NOSTRIN: variants seen among roughly 807,000 people sequenced by gnomAD.
NOSTRIN encodes the protein nitric oxide synthase trafficking, also known as BM247 homolog.
A neutral mutation model predicts 59.0 loss-of-function variants in NOSTRIN; 63 were observed. That is an observed-to-expected ratio of 1.07 (90% CI 0.87 to 1.32). The LOEUF is 1.32. NOSTRIN is among the 40% of genes most tolerant of loss of function. The pLI is 0.00. For missense variants in NOSTRIN, 512 were observed against 473.1 expected, an observed-to-expected ratio of 1.08 and a Z score of -0.76; for synonymous variants, 200 against 165.4, an observed-to-expected ratio of 1.21 and a Z score of -1.61.
intron 10 of NOSTRIN, among the ~76,000 whole-genome samples, chr2:168,851,962 G>A (rs1458913746): frequency 6.6e-6 from 1 of 152,152 alleles, no homozygotes; most frequent in African/African-American, 2.4e-5. Flanking sequence ...AGGGCTGTTG[G>A]CAGGCCTCCA....
upstream of NOSTRIN, among the ~76,000 whole-genome samples, chr2:168,798,813 CGATA>C (rs57650807): frequency 1.3e-5 from 2 of 149,230 alleles, no homozygotes; most frequent in Admixed American, 6.7e-5. Context: ...ATCGATCGAT[CGATA>C]GATAGATAGA....
chr2:168,789,794 C>T (rs557321428), intron 2 of NOSTRIN, among the ~76,000 whole-genome samples: 1 of 152,328 alleles, frequency 6.6e-6, no homozygotes, highest in African/African-American at 2.4e-5. Flanking sequence ...CTGGTACAAA[C>T]TGAAAGTCAG....
chr2:168,827,918 A>T (rs568329177), intron 3 of NOSTRIN, among the ~76,000 whole-genome samples: 1 of 152,200 alleles, frequency 6.6e-6, no homozygotes, highest in Admixed American at 6.5e-5. Context: ...ACAGATATGA[A>T]ATAGGAAATG....
At position 168,865,096 on chromosome 2, in the gene NOSTRIN, T is replaced by A. The variant is rs1470138406; in HGVS notation, c.*126T>A. On this transcript the variant is annotated 3_prime_UTR_variant, in exon 16 of 16. Transcript: ENST00000317647. ...AAATGGATGGAGTTCTACCTGCATGTCACAGCACTTTGCATTCATGATTAT... is the reference window on the plus strand; with the variant it reads ...AAATGGATGGAGTTCTACCTGCATGACACAGCACTTTGCATTCATGATTAT... 3.1e-6 allele frequency: 3 copies of A among 966,956 alleles called. No homozygotes were observed. In the East Asian group the frequency reaches 7.6e-5, roughly 24 times the overall value. The allele number at this position is 966,956 out of a possible 1,614,324, so 59.9% of individuals were successfully genotyped here.
intron 2 of NOSTRIN, among the ~76,000 whole-genome samples, chr2:168,789,991 G>A (rs963208266): frequency 6.6e-6 from 1 of 152,152 alleles, no homozygotes; most frequent in Non-Finnish European, 1.5e-5. Flanking sequence ...TTTTAGTCAG[G>A]CCACAGTGAG....
rs562302997 is a variant in NOSTRIN at position 168,850,638 on chromosome 2, C to T, written c.631-446C>T. 3.4e-5 allele frequency among the ~76,000 whole-genome samples: 5 copies of T among 146,580 alleles called. No individual in the cohort carries two copies. In the South Asian group the frequency reaches 6.5e-4, roughly 19 times the overall value. ...TTTGTAAAAACAAGGCCTGGCTAGG[C>T]GCGGTGGCTCATGCCTGTAATCCTA... On this transcript the variant is annotated intron_variant, in intron 8 of 15. Transcript: ENST00000317647.
chr2:168,838,448 C>A (rs547533139), intron 7 of NOSTRIN, among the ~76,000 whole-genome samples: 1 of 152,324 alleles, frequency 6.6e-6, no homozygotes, highest in Admixed American at 6.5e-5. Flanking sequence ...CCATGTTGGC[C>A]AGGCTGGTCT....
chr2:168,804,573 C>G (rs1174390808), intron 1 of NOSTRIN, among the ~76,000 whole-genome samples: 1 of 152,144 alleles, frequency 6.6e-6, no homozygotes, highest in African/African-American at 2.4e-5. Context: ...CAAATGAGTG[C>G]CTCATGAAAC....
rs185907330 is a variant in NOSTRIN at position 168,839,680 on chromosome 2, G to T, written c.505-3312G>T. Reference sequence around the variant, plus strand: ...TATAATCCCAGCACTTCGGGAGGCTGAGGTGGGCAGATTACCTGAGGTCAG... The same window carrying T: ...TATAATCCCAGCACTTCGGGAGGCTTAGGTGGGCAGATTACCTGAGGTCAG... On this transcript the variant is annotated intron_variant, in intron 7 of 15. Transcript: ENST00000317647. Among the ~76,000 whole-genome samples, 796 of 152,086 alleles carry T rather than the reference G, an allele frequency of 5.2e-3. 7 individuals are homozygous for T. The highest frequency in any genetic ancestry group is 0.024 in the Middle Eastern group (7 of 294).
At chr2:168,816,993 A>G (rs1686441044) in intron 2 of NOSTRIN, among the ~76,000 whole-genome samples, 1 of 152,246 alleles carries the variant, frequency 6.6e-6, no homozygotes, top group Non-Finnish European at 1.5e-5. Context: ...TATTTTGAAG[A>G]AAAGCTAGAA....
intron 7 of NOSTRIN, among the ~76,000 whole-genome samples, 182 bp downstream of exon 7, chr2:168,834,507 G>GCGCGCGCGCGCACACACA (rs756381301): frequency 1.4e-4 from 17 of 125,430 alleles, no homozygotes; most frequent in East Asian, 2.4e-4. Flanking sequence ...GCGCGCGCGC[G>GCGCGCGCGCGCACACACA]CACACACACA....
chr2:168,802,372 G>C (rs1685642265), upstream of NOSTRIN: 1 of 405,184 alleles, frequency 2.5e-6, no homozygotes, highest in Non-Finnish European at 4.6e-6. Flanking sequence ...TCAATGTTAC[G>C]CTGTTCAGGA....
chr2:168,853,872 A>G (rs1362211215), intron 10 of NOSTRIN, among the ~76,000 whole-genome samples: 1 of 152,098 alleles, frequency 6.6e-6, no homozygotes, highest in Non-Finnish European at 1.5e-5. Flanking sequence ...ATATAAAGAA[A>G]TATTTATTTA....
upstream of NOSTRIN, among the ~76,000 whole-genome samples, chr2:168,800,727 AAC>A (rs1287585762): frequency 6.6e-6 from 1 of 152,088 alleles, no homozygotes; most frequent in Non-Finnish European, 1.5e-5. Context: ...ACTGAAATGA[AAC>A]ACAGAACAGC....
Position 168,834,501 on chromosome 2 carries a change from GCGCGCGCACACACACACA to G in NOSTRIN, c.504+178_504+195del, listed in dbSNP as rs1036410473. ...AATCATTACTGGCGTGCGCGCGCGC[GCGCGCGCACACACACACA>G]CACACACACACACACACACACACCA... On this transcript the variant is annotated intron_variant, in intron 7 of 15. Coordinates refer to ENST00000317647, the MANE Select transcript of NOSTRIN (RefSeq NM_001039724.4). Among the ~76,000 whole-genome samples, 37 of 110,748 alleles carry G rather than the reference GCGCGCGCACACACACACA, an allele frequency of 3.3e-4. 2 individuals carry two copies. The East Asian group carries it at 6.3e-3, about 19-fold the overall frequency. 72.7% of individuals were successfully genotyped at this position (110,748 alleles called of 152,430 possible).
In NOSTRIN at chr2:168,859,458, G is replaced by A. The variant is rs1689308133; in HGVS notation, c.1054-54G>A. 15 of 1,603,868 alleles carry A rather than the reference G, an allele frequency of 9.4e-6. 1 individual carries two copies. Among genetic ancestry groups the A allele is most frequent in the South Asian group, 4.5e-5 (4 of 89,398 alleles). ...AAAGTTATTCTGATATTCCTATCCA[G>A]TTGTGCCTCATTTACTAGAAATTTG... On this transcript the variant is annotated intron_variant, in intron 12 of 15. Transcript: ENST00000317647.
Position 168,843,137 on chromosome 2 carries a change from T to C in NOSTRIN, c.630+20T>C, listed in dbSNP as rs191215265. 1 of 857,724 alleles carries C rather than the reference T, an allele frequency of 1.2e-6. No homozygotes were observed. The highest frequency in any genetic ancestry group is 2.0e-6 in the Non-Finnish European group (1 of 494,900). The allele number at this position is 857,724 out of a possible 1,614,324, so 53.1% of individuals were successfully genotyped here. A position where few individuals can be genotyped will look rare whatever the true frequency, so the allele number is the denominator to read the frequency against. ...TACCAGGTAAGTTATATATTCACAT[T>C]TTTTTCTTCTTCTGTGGAGCTTTGT... is the stretch of plus-strand genomic sequence containing the variant. On this transcript the variant is annotated intron_variant, in intron 8 of 15. Transcript: ENST00000317647.
At chr2:168,812,454 C>G (rs1686193452) in intron 2 of NOSTRIN, among the ~76,000 whole-genome samples, 1 of 152,056 alleles carries the variant, frequency 6.6e-6, no homozygotes, top group Admixed American at 6.6e-5. Context: ...TTTTCAAGTT[C>G]TTAGTTGAGA....
rs773556647 is a variant in NOSTRIN at position 168,802,710 on chromosome 2, A to AGGAGGGT, written c.27+48_27+54dup. Reference sequence around the variant, plus strand: ...AGTGTGGTTTGTGTGCCTGCGTGTGAGGAGGGTGGAGGGTGGATTTGTATA... The same window carrying AGGAGGGT: ...AGTGTGGTTTGTGTGCCTGCGTGTGAGGAGGGTGGAGGGTGGAGGGTGGATTTGTATA... On this transcript the variant is annotated intron_variant, in intron 1 of 15. Coordinates refer to ENST00000317647, the MANE Select transcript of NOSTRIN (RefSeq NM_001039724.4). 4.6e-6 allele frequency: 4 copies of AGGAGGGT among 864,070 alleles called. No homozygotes were observed. In the South Asian group the frequency reaches 5.4e-5, roughly 12 times the overall value. 53.5% of individuals were successfully genotyped at this position (864,070 alleles called of 1,614,324 possible). A position where few individuals can be genotyped will look rare whatever the true frequency, so the allele number is the denominator to read the frequency against.
Sources: gnomAD v4.1 joint callset for allele counts (sites outside exome capture counted in the v4.1 genomes callset) on GRCh38, gnomAD v4.1.1 for gene constraint, MANE v1.5 for transcripts, NCBI Gene and HGNC (gene_info 2026-07-23, HGNC 2026-07-21) for gene names.